Variants in KLF12 observed in about 807,000 individuals in gnomAD.
KLF12 encodes the protein KLF transcription factor 12.
A neutral mutation model predicts 37.8 loss-of-function variants in KLF12; 9 were observed. The ratio of observed to expected loss-of-function variants is 0.24; its 90% CI spans 0.14 to 0.42. The LOEUF is 0.42. Ranked by LOEUF, KLF12 falls within the 10% of genes least tolerant of loss-of-function variation. The pLI, the probability that KLF12 is intolerant of heterozygous loss-of-function variation, is 1.00. For missense variants in KLF12, 411 were observed against 516.0 expected (o/e 0.80, Z 1.97); for synonymous variants, 208 against 202.1 (o/e 1.03, Z -0.25).
At chr13:74,166,307 G>A in the KLF12 span, among the ~76,000 whole-genome samples, 1 of 151,944 alleles carries the variant, frequency 6.6e-6, no homozygotes, top group South Asian at 2.1e-4. Flanking sequence ...GCCTAGGGAG[G>A]TCTCAAACTC....
chr13:73,814,609 C>T (rs948625383), intron 4 of KLF12, among the ~76,000 whole-genome samples: 1 of 152,122 alleles, frequency 6.6e-6, no homozygotes, highest in African/African-American at 2.4e-5. Context: ...CCAAAACGTG[C>T]TTTGCACAAT....
Position 74,020,869 on chromosome 13 carries a change from C to T in KLF12, c.-31-25816G>A, listed in dbSNP as rs527940593. On this transcript the variant is annotated intron_variant, in intron 1 of 7. Transcript: ENST00000377669. ...TCACGCCACTGCACTCCAGCCTGGG[C>T]GACAGAGCCACACTCCGTCTCAAAA... Among the ~76,000 whole-genome samples the T allele has an allele frequency of 3.4e-5, 5 of 146,102 alleles. No individual in the cohort carries two copies. The Admixed American group carries it at 3.5e-4, about 10-fold the overall frequency.
chr13:73,930,775 ATAATAAAG>A (rs1235916569), intron 3 of KLF12, among the ~76,000 whole-genome samples: 3 of 152,088 alleles, frequency 2.0e-5, no homozygotes, highest in Non-Finnish European at 4.4e-5. Context: ...TTTTTTCCTG[ATAATAAAG>A]TAATAAAGCA....
intron 4 of KLF12, among the ~76,000 whole-genome samples, chr13:73,824,329 G>A (rs1883710541): frequency 1.3e-5 from 2 of 152,116 alleles, no homozygotes; most frequent in Admixed American, 1.3e-4. Context: ...TTCTAACTTG[G>A]AACTTAAATA....
At chr13:73,715,972 T>A (rs568543916) in intron 6 of KLF12, among the ~76,000 whole-genome samples, 1 of 152,154 alleles carries the variant, frequency 6.6e-6, no homozygotes, top group African/African-American at 2.4e-5. Context: ...TGTGACAACA[T>A]AGAAACTCCT....
chr13:73,969,050 T>C (rs999950897), intron 2 of KLF12, among the ~76,000 whole-genome samples: 1 of 150,710 alleles, frequency 6.6e-6, no homozygotes, highest in Admixed American at 6.6e-5. Flanking sequence ...AAAAAACCTA[T>C]AGCAATTATT....
At chr13:73,784,880 C>A (rs1881224704) in intron 5 of KLF12, among the ~76,000 whole-genome samples, 1 of 152,028 alleles carries the variant, frequency 6.6e-6, no homozygotes, top group South Asian at 2.1e-4. Flanking sequence ...TCGTGATCCA[C>A]CCGCCTTGGC....
At position 73,845,967 on chromosome 13, in the gene KLF12, G is replaced by T; in HGVS notation, c.530C>A (p.Ser177Tyr). 1 of 1,614,156 alleles carries T rather than the reference G, an allele frequency of 6.2e-7. No homozygotes were observed. The highest frequency in any genetic ancestry group is 8.5e-7 in the Non-Finnish European group (1 of 1,180,014). Residue 177 changes from serine (S) to tyrosine (Y), a missense_variant, in exon 4 of 8, where the codon TCT (serine) becomes TAT (tyrosine). Transcript: ENST00000377669. Reference sequence around the variant, plus strand: ...GCGGTGAACATGACTCAGTTTGTTAGACTGTAAATTCATGGGACTTGAAGG... The same window carrying T: ...GCGGTGAACATGACTCAGTTTGTTATACTGTAAATTCATGGGACTTGAAGG...
At chr13:73,770,076 T>C (rs1191767806) in intron 5 of KLF12, among the ~76,000 whole-genome samples, 3 of 152,190 alleles carry the variant, frequency 2.0e-5, no homozygotes, top group African/African-American at 7.2e-5. Flanking sequence ...TTAAACATAA[T>C]ACATACTTTA....
chr13:73,946,564 GGTTTAGTTTCAC>G lies in KLF12; in HGVS notation c.34-2506_34-2495del, dbSNP rs542244870. Among the ~76,000 whole-genome samples the G allele has an allele frequency of 3.6e-3, 542 of 152,046 alleles. 3 individuals carry two copies. The highest frequency in any genetic ancestry group is 0.013 in the African/African-American group (521 of 41,494). ...TACATGCAATAAAGTCAAGATGTAC[GGTTTAGTTTCAC>G]GTACAAGTGAAAAAAATAAAACATT... On this transcript the variant is annotated intron_variant, in intron 2 of 7. Transcript: ENST00000377669.
the KLF12 span, among the ~76,000 whole-genome samples, chr13:74,214,657 A>G: frequency 6.6e-6 from 1 of 151,888 alleles, no homozygotes; most frequent in African/African-American, 2.4e-5. Context: ...TTTTTTTCTA[A>G]AAATCTATTT....
chr13:74,114,025 T>C (rs969165764), intron 1 of KLF12, among the ~76,000 whole-genome samples: 15 of 150,820 alleles, frequency 9.9e-5, no homozygotes, highest in African/African-American at 2.5e-4. Flanking sequence ...GCAAGAGAAA[T>C]AGAATTAGAA....
intron 3 of KLF12, among the ~76,000 whole-genome samples, chr13:73,863,786 T>C (rs961829606): frequency 5.3e-5 from 8 of 152,232 alleles, no homozygotes; most frequent in African/African-American, 1.4e-4. Context: ...ATTCAAACTT[T>C]TGGTAGGTTT....
At chr13:73,995,525 G>A (rs7988178) in intron 1 of KLF12, among the ~76,000 whole-genome samples, 11,257 of 152,144 alleles carry the variant, frequency 0.074, 629 homozygotes, top group African/African-American at 0.16. Context: ...GGAAATGATT[G>A]TTTCTTTACA....
At position 73,724,671 on chromosome 13, in the gene KLF12, C is replaced by T. The variant is rs184592377; in HGVS notation, c.870-9146G>A. ...CTTTGAATACTCTGTGAAATTAACA[C>T]TGGAAAAGTAGAGAGGTATACCAAT... On this transcript the variant is annotated intron_variant, in intron 6 of 7. Coordinates refer to ENST00000377669, the MANE Select transcript of KLF12 (RefSeq NM_007249.5). Among the ~76,000 whole-genome samples the T allele has an allele frequency of 1.2e-3, 176 of 152,272 alleles. 3 individuals carry two copies. The highest frequency in any genetic ancestry group is 4.1e-3 in the African/African-American group (171 of 41,536).
chr13:74,135,530 G>A (rs1197898237), upstream of KLF12, among the ~76,000 whole-genome samples: 3 of 151,530 alleles, frequency 2.0e-5, no homozygotes, highest in South Asian at 2.1e-4. Flanking sequence ...CGGCTCGGAG[G>A]GCGCGGGGTC....
upstream of KLF12, among the ~76,000 whole-genome samples, chr13:74,135,358 C>G (rs78813938): frequency 2.2e-3 from 330 of 152,054 alleles, no homozygotes; most frequent in Middle Eastern, 6.8e-3. Context: ...CACTGCCCCA[C>G]GCCCAGAGCG....
intron 3 of KLF12, among the ~76,000 whole-genome samples, chr13:73,929,662 A>G (rs1384016376): frequency 6.6e-6 from 1 of 152,216 alleles, no homozygotes; most frequent in Admixed American, 6.5e-5. Context: ...AAGCGCAAGC[A>G]CACTAGGTCT....
At chr13:74,136,153 C>T (rs1213772815), upstream of KLF12, among the ~76,000 whole-genome samples, 1 of 152,046 alleles carries the variant, frequency 6.6e-6, no homozygotes, top group Non-Finnish European at 1.5e-5. Context: ...GAGCACTGCT[C>T]GAGTGAAGTA....
Sources: gnomAD v4.1 joint callset for allele counts (sites outside exome capture counted in the v4.1 genomes callset) on GRCh38, gnomAD v4.1.1 for gene constraint, MANE v1.5 for transcripts, NCBI Gene and HGNC (gene_info 2026-07-23, HGNC 2026-07-21) for gene names.